The following IL12RB1 variants were observed in gnomAD, a reference collection of about 807,000 sequenced individuals.
IL12RB1 encodes interleukin 12 receptor subunit beta 1, also known as interleukin-12 receptor subunit beta-1.
Under a neutral mutation model 94.4 loss-of-function variants are expected in IL12RB1, and 64 were observed. The observed-to-expected ratio is 0.68, with a 90% CI of 0.55 to 0.83. IL12RB1 has a LOEUF of 0.83. IL12RB1 is among the 40% of genes least tolerant of loss of function. The probability of loss-of-function intolerance (pLI) is 0.00; values close to 1 mark genes in which losing one functional copy is unlikely to be tolerated. For synonymous variants in IL12RB1, 362 were observed against 355.5 expected, an observed-to-expected ratio of 1.02 and a Z score of -0.21; for missense variants, 814 against 855.6, an observed-to-expected ratio of 0.95 and a Z score of 0.61.
chr19:18,077,441 A>T (rs2035570639), intron 5 of IL12RB1, 75 bp downstream of exon 5: 1 of 1,122,276 alleles, frequency 8.9e-7, no homozygotes, highest in Admixed American at 1.9e-5. Flanking sequence ...AGATGCAGAG[A>T]TGGTGAGACT....
chr19:18,068,187 G>T (rs927498004), intron 11 of IL12RB1, among the ~76,000 whole-genome samples: 1 of 151,464 alleles, frequency 6.6e-6, no homozygotes, highest in East Asian at 1.9e-4. Context: ...CACCACACCC[G>T]GCTAATTTTT....
chr19:18,079,398 C>G (rs2035718769), intron 4 of IL12RB1, among the ~76,000 whole-genome samples: 1 of 151,942 alleles, frequency 6.6e-6, no homozygotes. Context: ...ACCACTGCAC[C>G]CAGCCCTTAA....
chr19:18,094,317 C>G (rs993177641), intron 1 of IL12RB1, among the ~76,000 whole-genome samples: 1 of 152,048 alleles, frequency 6.6e-6, no homozygotes, highest in African/African-American at 2.4e-5. Flanking sequence ...TTAGTAGAGA[C>G]GCGGTTTCAC....
intron 3 of IL12RB1, among the ~76,000 whole-genome samples, chr19:18,081,589 G>T (rs577986561): frequency 2.5e-4 from 38 of 151,772 alleles, no homozygotes; most frequent in African/African-American, 7.7e-4. Flanking sequence ...GGAGGCCAAG[G>T]GGGGGTGGAT....
At position 18,097,361 on chromosome 19, in the gene IL12RB1, T is replaced by G. The variant is rs140826490; in HGVS notation, c.-230+1394A>C. Among the ~76,000 whole-genome samples the G allele has an allele frequency of 4.1e-4, 63 of 151,828 alleles. 2 individuals carry two copies. In the East Asian group the frequency reaches 9.9e-3, roughly 24 times the overall value. ...CCCAAGTAATTTTTTTTTTGTTTTG[T>G]TTTGGTTTTTTTTGTTTAGTAGAGA... is the stretch of plus-strand genomic sequence containing the variant. On this transcript the variant is annotated intron_variant, in intron 1 of 4. Coordinates refer to the IL12RB1 transcript ENST00000594176.
At chr19:18,066,061 A>T (rs1679482846) in intron 12 of IL12RB1, among the ~76,000 whole-genome samples, 1 of 149,896 alleles carries the variant, frequency 6.7e-6, no homozygotes, top group African/African-American at 2.5e-5. Context: ...AAAAAAAAAA[A>T]GACCCTCAAG....
Position 18,072,097 on chromosome 19 carries a change from A to T in IL12RB1, c.1021+15T>A, listed in dbSNP as rs770890002. On this transcript the variant is annotated intron_variant, in intron 9 of 16. Transcript: ENST00000593993. ...GAGGGGCCCTCATACCGCCCTCCCC[A>T]CCCAGAGGAGGCACCTGTGTGGGTG... The T allele has an allele frequency of 6.4e-7, 1 of 1,560,882 alleles. No individual in the cohort carries two copies. Among genetic ancestry groups the T allele is most frequent in the East Asian group, 2.2e-5 (1 of 44,632 alleles).
chr19:18,073,486 C>T (rs2035227748), intron 8 of IL12RB1, 31 bp downstream of exon 8: 3 of 1,413,900 alleles, frequency 2.1e-6, no homozygotes, highest in Non-Finnish European at 3.0e-6. Context: ...CCATCCCAGG[C>T]CACCCCACAG....
At chr19:18,060,138 A>G (rs1203581402) in intron 15 of IL12RB1, 53 bp from the exon 16 acceptor site, 1 of 986,868 alleles carries the variant, frequency 1.0e-6, no homozygotes, top group South Asian at 1.4e-5. Flanking sequence ...CTTCCCATCC[A>G]CAGCAGGATG....
At chr19:18,077,973 G>C (rs920329849) in intron 4 of IL12RB1, among the ~76,000 whole-genome samples, 3 of 152,132 alleles carry the variant, frequency 2.0e-5, no homozygotes, top group Admixed American at 6.6e-5. Flanking sequence ...GCCAGGCATG[G>C]TAGTTCATGA....
At chr19:18,086,703 C>A in intron 1 of IL12RB1, 57 bp downstream of exon 1, 1 of 1,541,716 alleles carries the variant, frequency 6.5e-7, no homozygotes, top group South Asian at 1.2e-5. Context: ...GCTCTCCACA[C>A]ATACACGTGC....
At chr19:18,085,899 G>A (rs571435532) in intron 1 of IL12RB1, among the ~76,000 whole-genome samples, 14 of 151,460 alleles carry the variant, frequency 9.2e-5, no homozygotes, top group Non-Finnish European at 1.2e-4. Context: ...GTGAGTCACC[G>A]TGCAGGGCCT....
chr19:18,066,789 G>T (rs939263142), intron 11 of IL12RB1, 92 bp from the exon 12 acceptor site: 111 of 951,006 alleles, frequency 1.2e-4, no homozygotes, highest in Non-Finnish European at 1.7e-4. Context: ...CACTTTGGGA[G>T]GCCGAGGTGG....
Position 18,082,758 on chromosome 19 carries a change from T to C in IL12RB1, c.125-494A>G, listed in dbSNP as rs539954551. Among the ~76,000 whole-genome samples the C allele has an allele frequency of 7.2e-5, 11 of 152,250 alleles. No homozygotes were observed. The South Asian group carries it at 2.3e-3, about 32-fold the overall frequency. ...TGTCTGCTTAGTGTTCAGACCCTTT[T>C]CAGGGTGCATTAGGAGCATAAATGT... On this transcript the variant is annotated intron_variant, in intron 2 of 16. Coordinates refer to ENST00000593993, the MANE Select transcript of IL12RB1 (RefSeq NM_005535.3).
intron 11 of IL12RB1, among the ~76,000 whole-genome samples, chr19:18,067,539 C>G (rs1317095522): frequency 6.6e-6 from 1 of 152,074 alleles, no homozygotes; most frequent in African/African-American, 2.4e-5. Context: ...CGCAGTGGCT[C>G]ACACCTGTAA....
Position 18,073,528 on chromosome 19 carries a change from G to T in IL12RB1, c.772C>A (p.Leu258Met). Residue 258 changes from leucine (L) to methionine (M), a missense_variant, in exon 8 of 17, where the codon CTG becomes ATG. Coordinates refer to ENST00000593993, the MANE Select transcript of IL12RB1 (RefSeq NM_005535.3). ...LGQDGRRRLT[L>M]KEQPTQLELP... The stretch of plus-strand genomic sequence containing the variant: ...GACAGCCCCGTTACCTGCTCTTTCA[G>T]GGTCAGCCGCCTCCTCCCATCCTGG... The T allele has an allele frequency of 6.2e-7, 1 of 1,607,690 alleles. No individual in the cohort carries two copies. Among genetic ancestry groups the T allele is most frequent in the East Asian group, 2.2e-5 (1 of 44,840 alleles).
Position 18,060,025 on chromosome 19 carries a change from C to T in IL12RB1, c.1852G>A (p.Val618Met), listed in dbSNP as rs765762777. 1.2e-6 allele frequency: 2 copies of T among 1,605,078 alleles called. No individual in the cohort carries two copies. Among genetic ancestry groups the T allele is most frequent in the South Asian group, 2.2e-5 (2 of 90,184 alleles). Residue 618 changes from valine to methionine, a missense_variant, in exon 16 of 17, where the codon GTG becomes ATG. Transcript: ENST00000593993. ...CCTTTGTCCCAGGACATCTCTACCA[C>T]CAGGGCCTCCTGCAGGGATGCCTCT... ...QEEASLQEAL[V>M]VEMSWDKGER...
intron 13 of IL12RB1, 56 bp downstream of exon 13, chr19:18,063,820 G>A: frequency 2.0e-6 from 3 of 1,523,466 alleles, no homozygotes; most frequent in East Asian, 2.3e-5. Flanking sequence ...ATCATTGTGG[G>A]AAGCGCAGTG....
intron 1 of IL12RB1, among the ~76,000 whole-genome samples, chr19:18,092,990 T>A (rs1400006713): frequency 1.3e-5 from 2 of 151,988 alleles, no homozygotes; most frequent in Non-Finnish European, 2.9e-5. Context: ...CAAAGAGAAT[T>A]TGAAGTGGAT....
Sources: allele counts gnomAD v4.1 joint callset (sites outside exome capture counted in the v4.1 genomes callset), GRCh38; gene constraint gnomAD v4.1.1; transcripts MANE v1.5; gene names NCBI Gene and HGNC (gene_info 2026-07-23, HGNC 2026-07-21).